Variants in DNAJA1 observed in about 807,000 individuals in gnomAD.
The protein encoded by DNAJA1 is dnaJ homolog subfamily A member 1.
In DNAJA1, 26 loss-of-function variants were observed where a neutral mutation model predicts 47.6. That is an observed-to-expected ratio of 0.55 (90% confidence interval 0.40 to 0.76). DNAJA1 has a LOEUF of 0.76. DNAJA1 is among the 30% of genes least tolerant of loss of function. The probability of loss-of-function intolerance (pLI) is 0.00; values close to 1 mark genes in which losing one functional copy is unlikely to be tolerated. For missense variants in DNAJA1, 315 were observed against 485.0 expected, an observed-to-expected ratio of 0.65 and a Z score of 3.29; for synonymous variants, 165 against 158.4, an observed-to-expected ratio of 1.04 and a Z score of -0.31.
At chr9:33,037,808 T>A (rs1839058978) in intron 8 of DNAJA1, among the ~76,000 whole-genome samples, 1 of 152,090 alleles carries the variant, frequency 6.6e-6, no homozygotes, top group Non-Finnish European at 1.5e-5. Flanking sequence ...GTGGGAAGGG[T>A]GTGTGGGACA....
At position 33,038,912 on chromosome 9, in the gene DNAJA1, T is replaced by C. The variant is rs781143779; in HGVS notation, c.*9T>C. On this transcript the variant is annotated 3_prime_UTR_variant, in exon 9 of 9. Coordinates refer to ENST00000330899, the MANE Select transcript of DNAJA1 (RefSeq NM_001539.4). Reference sequence around the variant, plus strand: ...AGTGTCAGACCTCTTAATGGGCCAGTGAATAACACTCACTGCTGGCATTTA... The same window carrying C: ...AGTGTCAGACCTCTTAATGGGCCAGCGAATAACACTCACTGCTGGCATTTA... 3 of 1,604,772 alleles carry C rather than the reference T, an allele frequency of 1.9e-6. No individual in the cohort carries two copies. Among genetic ancestry groups the C allele is most frequent in the Non-Finnish European group, 2.6e-6 (3 of 1,175,240 alleles).
At chr9:33,025,995 C>T (rs1182704106) in intron 1 of DNAJA1, among the ~76,000 whole-genome samples, 1 of 152,204 alleles carries the variant, frequency 6.6e-6, no homozygotes. Context: ...CGGTGGAGGG[C>T]TTGCTGTGTG....
intron 4 of DNAJA1, 123 bp downstream of exon 4, chr9:33,030,112 G>A (rs1838937477): frequency 1.1e-6 from 1 of 946,740 alleles, no homozygotes; most frequent in Non-Finnish European, 1.5e-6. Flanking sequence ...CCTAGATTTT[G>A]GGGGAGGAGA....
chr9:33,030,814 T>G, intron 5 of DNAJA1, 147 bp downstream of exon 5: 1 of 739,366 alleles, frequency 1.4e-6, no homozygotes, highest in South Asian at 2.0e-5. Context: ...GTAAATAATG[T>G]TCTTTTATCC....
chr9:33,028,441 AT>A (rs1170543968), intron 3 of DNAJA1, among the ~76,000 whole-genome samples: 1 of 152,236 alleles, frequency 6.6e-6, no homozygotes, highest in African/African-American at 2.4e-5. Context: ...TTTAGAATGA[AT>A]GGCCAAGCCA....
At position 33,034,336 on chromosome 9, in the gene DNAJA1, G is replaced by A. The variant is rs750532568; in HGVS notation, c.758+6G>A. 6.3e-7 allele frequency: 1 copy of A among 1,596,116 alleles called. No individual in the cohort carries two copies. The highest frequency in any genetic ancestry group is 8.5e-7 in the Non-Finnish European group (1 of 1,172,034). On this transcript the variant is annotated splice_donor_region_variant and intron_variant, in intron 6 of 8. Coordinates refer to ENST00000330899, the MANE Select transcript of DNAJA1 (RefSeq NM_001539.4). ...GACCATGCTGTTTTTACTCGGTAAAGACTTTTATCAACCACTCAAATTGAT... is the reference window on the plus strand; with the variant it reads ...GACCATGCTGTTTTTACTCGGTAAAAACTTTTATCAACCACTCAAATTGAT...
At position 33,034,278 on chromosome 9, in the gene DNAJA1, C is replaced by T; in HGVS notation, c.706C>T (p.Pro236Ser). The T allele has an allele frequency of 6.2e-7, 1 of 1,609,668 alleles. No individual in the cohort carries two copies. Among genetic ancestry groups the T allele is most frequent in the South Asian group, 1.1e-5 (1 of 89,794 alleles). Residue 236 changes from proline (P) to serine (S), a missense_variant, in exon 6 of 9, where the codon CCA (proline) becomes TCA (serine). Pro to Ser is a moderately conservative substitution (Grantham distance 74). This residue lies in a region of DNAJA1 where 45 missense variants were observed against 93.3 expected (regional missense o/e 0.48). Transcript: ENST00000330899. ...GEGDQEPGLE[P>S]GDIIIVLDQK... ...AGGAGACCAAGAACCAGGACTGGAG[C>T]CAGGCGATATTATCATTGTGTTAGA...
At chr9:33,026,729 C>A (rs901957362) in intron 2 of DNAJA1, 84 bp from the exon 3 acceptor site, 13 of 1,570,618 alleles carry the variant, frequency 8.3e-6, no homozygotes, top group Non-Finnish European at 1.0e-5. Context: ...CACTTCTCGG[C>A]CTTTTTAGCT....
chr9:33,034,134 A>G lies in DNAJA1; in HGVS notation c.644-82A>G, dbSNP rs1416256298. The G allele has an allele frequency of 1.1e-5, 11 of 962,980 alleles. No homozygotes were observed. In the Admixed American group the frequency reaches 3.3e-4, roughly 29 times the overall value. The allele number at this position is 962,980 out of a possible 1,614,324, so 59.7% of individuals were successfully genotyped here. On this transcript the variant is annotated intron_variant, in intron 5 of 8. Transcript: ENST00000330899. ...TCATTTCTGTGATTTTTATGCATAA[A>G]CAAACATCTATGTATAGATTTTATG...
Position 33,026,804 on chromosome 9 carries a change from C to A in DNAJA1, c.133-9C>A, listed in dbSNP as rs1838874670. 6.2e-7 allele frequency: 1 copy of A among 1,607,060 alleles called. No individual in the cohort carries two copies. Among genetic ancestry groups the A allele is most frequent in the Non-Finnish European group, 8.5e-7 (1 of 1,177,390 alleles). ...AAAAAATGAAATTCACTCCTCTTTT[C>A]TCAAACAGTTTAAACAGATTTCTCA... On this transcript the variant is annotated splice_polypyrimidine_tract_variant and intron_variant, in intron 2 of 8. Coordinates refer to ENST00000330899, the MANE Select transcript of DNAJA1 (RefSeq NM_001539.4).
intron 8 of DNAJA1, among the ~76,000 whole-genome samples, chr9:33,038,428 T>C (rs768681829): frequency 7.2e-5 from 11 of 152,224 alleles, no homozygotes; most frequent in Non-Finnish European, 1.3e-4. Context: ...GTTTGCTGGA[T>C]AGAACAATGG....
intron 4 of DNAJA1, 51 bp from the exon 5 acceptor site, chr9:33,030,389 A>G: frequency 6.6e-7 from 1 of 1,525,532 alleles, no homozygotes; most frequent in Non-Finnish European, 9.0e-7. Context: ...AACATTTACT[A>G]CTGTATACAC....
intron 6 of DNAJA1, among the ~76,000 whole-genome samples, chr9:33,034,745 A>G (rs981661197): frequency 6.6e-6 from 1 of 152,244 alleles, no homozygotes. Context: ...ATTGTAACTC[A>G]ATACTAAGTA....
chr9:33,026,628 C>T lies in DNAJA1; in HGVS notation c.132+12C>T, dbSNP rs371027464. The T allele has an allele frequency of 2.8e-5, 45 of 1,597,882 alleles. 1 individual carries two copies. The highest frequency in any genetic ancestry group is 2.6e-5 in the Non-Finnish European group (31 of 1,175,988). ...ATGAAGGAGAGAAGGTGAATAGTAT[C>T]TACTCTTAAACGTATCTGAATAGTT... is the stretch of plus-strand genomic sequence containing the variant. On this transcript the variant is annotated intron_variant, in intron 2 of 8. Transcript: ENST00000330899.
intron 5 of DNAJA1, among the ~76,000 whole-genome samples, chr9:33,031,490 G>A (rs1225859363): frequency 6.6e-6 from 1 of 152,114 alleles, no homozygotes; most frequent in Non-Finnish European, 1.5e-5. Context: ...TGAGTGCAGT[G>A]ATGCGATCTT....
intron 5 of DNAJA1, 53 bp from the exon 6 acceptor site, chr9:33,034,163 C>A: frequency 7.9e-7 from 1 of 1,260,504 alleles, no homozygotes. Flanking sequence ...TTTTATGATT[C>A]TGACCTTAGT....
intron 1 of DNAJA1, 93 bp from the exon 2 acceptor site, chr9:33,026,382 C>T (rs540512842): frequency 2.9e-6 from 4 of 1,383,596 alleles, no homozygotes; most frequent in African/African-American, 3.0e-5. Flanking sequence ...TTCTTATAAT[C>T]GGATTTTGCA....
Position 33,036,606 on chromosome 9 carries a change from T to TA in DNAJA1, c.792dup (p.Gln265ThrfsTer4). The TA allele has an allele frequency of 1.9e-6, 3 of 1,613,810 alleles. No individual in the cohort carries two copies. Among genetic ancestry groups the TA allele is most frequent in the Non-Finnish European group, 2.5e-6 (3 of 1,179,830 alleles). On this transcript the variant is annotated frameshift_variant, in exon 7 of 9. Coordinates refer to ENST00000330899, the MANE Select transcript of DNAJA1 (RefSeq NM_001539.4). LOFTEE classifies it high-confidence loss of function. ...GAAGACCTTTTCATGTGTATGGACA[T>TA]ACAGCTCGTTGAAGCACTGTGTGGC... is the stretch of plus-strand genomic sequence containing the variant.
In DNAJA1 at chr9:33,030,679, G is replaced by T. The variant is rs781323878; in HGVS notation, c.643+12G>T. The T allele has an allele frequency of 1.0e-5, 16 of 1,598,468 alleles. No individual in the cohort carries two copies. Among genetic ancestry groups the T allele is most frequent in the Non-Finnish European group, 1.4e-5 (16 of 1,170,290 alleles). ...TCATATTGACAAAGGTGAGTTCTGAGTTACTTATTCTGAAGTCTTGAATGC... is the reference window on the plus strand; with the variant it reads ...TCATATTGACAAAGGTGAGTTCTGATTTACTTATTCTGAAGTCTTGAATGC... On this transcript the variant is annotated intron_variant, in intron 5 of 8. Coordinates refer to ENST00000330899, the MANE Select transcript of DNAJA1 (RefSeq NM_001539.4).
Sources: gnomAD v4.1 joint callset for allele counts (sites outside exome capture counted in the v4.1 genomes callset) on GRCh38, gnomAD v4.1.1 for gene constraint, gnomAD v4.1.1 regional missense constraint, MANE v1.5 for transcripts, NCBI Gene and HGNC (gene_info 2026-07-23, HGNC 2026-07-21) for gene names.